SGK1: variants seen among roughly 807,000 people sequenced by gnomAD.
The protein encoded by SGK1 is serine/threonine-protein kinase Sgk1.
A neutral mutation model predicts 64.2 loss-of-function variants in SGK1; 26 were observed. The observed-to-expected ratio is 0.40, with a 90% CI of 0.30 to 0.56. The LOEUF is 0.56. Among genes scored for constraint, SGK1 ranks in the 20% least tolerant of loss-of-function variants. The pLI is 0.38. For synonymous variants in SGK1, 265 were observed against 239.7 expected (o/e 1.11, Z -0.98); for missense variants, 519 against 645.6 (o/e 0.80, Z 2.12).
chr6:134,234,444 T>C (rs1582732384), intron 2 of SGK1, among the ~76,000 whole-genome samples: 1 of 152,336 alleles, frequency 6.6e-6, no homozygotes, highest in South Asian at 2.1e-4. Flanking sequence ...CCAATACATT[T>C]CTAGCTTGTA....
intron 1 of SGK1, among the ~76,000 whole-genome samples, chr6:134,268,284 C>T (rs1483072978): frequency 6.6e-6 from 1 of 152,172 alleles, no homozygotes; most frequent in Admixed American, 6.5e-5. Context: ...GCGAGAAACA[C>T]GAATGCCCGG....
chr6:134,171,269 T>C lies in SGK1; in HGVS notation c.1168-91A>G, dbSNP rs975200099. 20 of 1,216,904 alleles carry C rather than the reference T, an allele frequency of 1.6e-5. 1 individual carries two copies. The highest frequency in any genetic ancestry group is 2.1e-5 in the Non-Finnish European group (18 of 841,342). The allele number at this position is 1,216,904 out of a possible 1,614,324, so 75.4% of individuals were successfully genotyped here. ...AGAAAAAGATATAAACGGCAATAAA[T>C]ATTAGGCTCGATTTGAGAAACTCTC... On this transcript the variant is annotated intron_variant, in intron 11 of 13. Transcript: ENST00000367858.
intron 10 of SGK1, 65 bp from the exon 11 acceptor site, chr6:134,171,797 A>G (rs1215260673): frequency 8.5e-6 from 9 of 1,062,346 alleles, no homozygotes; most frequent in Non-Finnish European, 1.3e-5. Flanking sequence ...ACGACCACAC[A>G]TTTAGTTTGA....
At chr6:134,222,212 C>T (rs962998960) in intron 2 of SGK1, among the ~76,000 whole-genome samples, 1 of 152,084 alleles carries the variant, frequency 6.6e-6, no homozygotes, top group Non-Finnish European at 1.5e-5. Flanking sequence ...GAAGCTATTC[C>T]CAACCTAGCA....
chr6:134,245,449 T>C (rs530435972), intron 2 of SGK1, among the ~76,000 whole-genome samples: 15 of 152,352 alleles, frequency 9.8e-5, no homozygotes, highest in African/African-American at 3.4e-4. Context: ...ACAATAGATA[T>C]TCAGGGGAAA....
chr6:134,278,415 A>G (rs1229551360), intron 1 of SGK1, among the ~76,000 whole-genome samples: 1 of 152,244 alleles, frequency 6.6e-6, no homozygotes, highest in Non-Finnish European at 1.5e-5. Context: ...TTAAATTGAA[A>G]GTGGTAAATG....
intron 3 of SGK1, among the ~76,000 whole-genome samples, chr6:134,203,213 A>G (rs1775713260): frequency 1.3e-5 from 2 of 152,248 alleles, no homozygotes; most frequent in African/African-American, 4.8e-5. Flanking sequence ...ACTGCACCCC[A>G]GCCTGGGCAA....
chr6:134,304,007 C>G (rs1002095261), intron 1 of SGK1, among the ~76,000 whole-genome samples: 14 of 152,168 alleles, frequency 9.2e-5, no homozygotes, highest in Admixed American at 9.2e-4. Flanking sequence ...TCCACAGGCT[C>G]TCTTGAAGCA....
In SGK1 at chr6:134,174,755, C is replaced by T; in HGVS notation, c.362-169G>A. The T allele has an allele frequency of 1.9e-6, 3 of 1,614,230 alleles. No individual in the cohort carries two copies. The East Asian group carries it at 6.7e-5, about 36-fold the overall frequency. ...ACCGATGAGAATTGCCACCATGCCC[C>T]TCATCCTGGAGTAAGTGAGGGTGCC... On this transcript the variant is annotated intron_variant, in intron 3 of 13. Coordinates refer to ENST00000367858, the MANE Select transcript of SGK1 (RefSeq NM_001143676.3).
At chr6:134,257,443 AT>A (rs1301585810) in intron 2 of SGK1, among the ~76,000 whole-genome samples, 1 of 152,182 alleles carries the variant, frequency 6.6e-6, no homozygotes, top group Non-Finnish European at 1.5e-5. Context: ...AAAACCCACA[AT>A]TAGTTCATAA....
chr6:134,271,885 A>G (rs1776944671), intron 1 of SGK1, among the ~76,000 whole-genome samples: 1 of 147,416 alleles, frequency 6.8e-6, no homozygotes, highest in Admixed American at 7.0e-5. Context: ...TCTGTTGCCT[A>G]GGCTGGAGTG....
intron 1 of SGK1, among the ~76,000 whole-genome samples, chr6:134,268,502 C>A (rs910189964): frequency 2.0e-5 from 3 of 151,680 alleles, no homozygotes; most frequent in African/African-American, 7.3e-5. Flanking sequence ...GCGGGCGGAT[C>A]ACGAGGTCAG....
chr6:134,206,383 ATTTTTTTT>A (rs869072819), intron 3 of SGK1, among the ~76,000 whole-genome samples: 163 of 16,468 alleles, frequency 9.9e-3, no homozygotes, highest in African/African-American at 0.03. Context: ...ATATATATAT[ATTTTTTTT>A]TTTTTTTTTT....
chr6:134,204,221 AAAATAAATAAATAAAT>A (rs146311627), intron 3 of SGK1, among the ~76,000 whole-genome samples: 65 of 139,122 alleles, frequency 4.7e-4, no homozygotes, highest in Admixed American at 5.2e-4. Flanking sequence ...AACTAGGCAA[AAAATAAATAAATAAAT>A]AAATAAATAA....
At chr6:134,299,878 A>G (rs552795845) in intron 1 of SGK1, among the ~76,000 whole-genome samples, 16 of 150,562 alleles carry the variant, frequency 1.1e-4, no homozygotes, top group South Asian at 4.2e-4. Flanking sequence ...AGCATCACCT[A>G]TACTCAAGAA....
chr6:134,253,990 G>C (rs1776643492), intron 2 of SGK1, among the ~76,000 whole-genome samples: 1 of 152,100 alleles, frequency 6.6e-6, no homozygotes, highest in African/African-American at 2.4e-5. Context: ...TATCCCATAT[G>C]AGAGGGCAAA....
At chr6:134,228,218 G>C (rs371963943) in intron 2 of SGK1, among the ~76,000 whole-genome samples, 1 of 152,114 alleles carries the variant, frequency 6.6e-6, no homozygotes, top group Non-Finnish European at 1.5e-5. Flanking sequence ...GCCTCCCAAA[G>C]TGCTGGGATT....
Position 134,298,784 on chromosome 6 carries a change from CTTATTTATTTAT to C in SGK1, c.69+18596_69+18607del, listed in dbSNP as rs139148949. The C allele has an allele frequency of 5.2e-4, 144 of 276,984 alleles. 5 individuals are homozygous for C. The South Asian group carries it at 0.013, about 25-fold the overall frequency. 17.2% of individuals were successfully genotyped at this position (276,984 alleles called of 1,614,324 possible). A position where few individuals can be genotyped will look rare whatever the true frequency, so the allele number is the denominator to read the frequency against. On this transcript the variant is annotated intron_variant, in intron 1 of 13. Transcript: ENST00000367858. Reference sequence around the variant, plus strand: ...AGCTGCTTCTTGATAGCATTCAGCTCTTATTTATTTATTTATTTATTTATTTATTTATTTGAG... The same window carrying C: ...AGCTGCTTCTTGATAGCATTCAGCTCTTATTTATTTATTTATTTATTTGAG...
At chr6:134,221,024 C>T (rs1375942273) in intron 2 of SGK1, among the ~76,000 whole-genome samples, 1 of 151,526 alleles carries the variant, frequency 6.6e-6, no homozygotes, top group Non-Finnish European at 1.5e-5. Flanking sequence ...TTTGCTCAGG[C>T]CAGGCGCAGT....
Sources: gnomAD v4.1 joint callset for allele counts (sites outside exome capture counted in the v4.1 genomes callset) on GRCh38, gnomAD v4.1.1 for gene constraint, MANE v1.5 for transcripts, NCBI Gene and HGNC (gene_info 2026-07-23, HGNC 2026-07-21) for gene names.